ASXL2: variants seen among roughly 807,000 people sequenced by gnomAD.
ASXL2 encodes the protein ASXL transcriptional regulator 2.
A neutral mutation model predicts 122.0 loss-of-function variants in ASXL2; 23 were observed. The ratio of observed to expected loss-of-function variants is 0.19; its 90% confidence interval spans 0.14 to 0.27. The LOEUF is 0.27. ASXL2 is among the 10% of genes least tolerant of loss of function. The probability of loss-of-function intolerance (pLI) is 1.00; values close to 1 mark genes in which losing one functional copy is unlikely to be tolerated. For synonymous variants in ASXL2, 650 were observed against 637.0 expected (o/e 1.02, Z -0.31); for missense variants, 1,518 against 1,713.8 (o/e 0.89, Z 2.02).
intron 12 of ASXL2, among the ~76,000 whole-genome samples, chr2:25,749,365 C>A (rs2087999338): frequency 6.6e-6 from 1 of 152,164 alleles, no homozygotes; most frequent in Non-Finnish European, 1.5e-5. Flanking sequence ...AGAATTATAA[C>A]TAAGTTTTTG....
At chr2:25,791,472 A>G (rs1304938883) in intron 5 of ASXL2, among the ~76,000 whole-genome samples, 1 of 148,952 alleles carries the variant, frequency 6.7e-6, no homozygotes, top group Non-Finnish European at 1.5e-5. Context: ...GGGCGACAAG[A>G]GCAAGACTCC....
At chr2:25,870,903 T>C (rs2089957780) in intron 1 of ASXL2, among the ~76,000 whole-genome samples, 1 of 152,218 alleles carries the variant, frequency 6.6e-6, no homozygotes, top group African/African-American at 2.4e-5. Flanking sequence ...TATGCAGACT[T>C]TCACTTAATT....
At chr2:25,779,618 C>T (rs1214610874) in intron 5 of ASXL2, among the ~76,000 whole-genome samples, 1 of 152,174 alleles carries the variant, frequency 6.6e-6, no homozygotes, top group Non-Finnish European at 1.5e-5. Context: ...ACCTAAGCTA[C>T]ATCTCACAAT....
At position 25,878,387 on chromosome 2, in the gene ASXL2, G is replaced by C; in HGVS notation, c.-165C>G. ...AGAGGAAGCGGCGGGGGTGGTGCGC[G>C]GGGGGGTCTATGGGGCGGCCGGTCC... is the stretch of plus-strand genomic sequence containing the variant. On this transcript the variant is annotated 5_prime_UTR_variant, in exon 1 of 13. Coordinates refer to ENST00000435504, the MANE Select transcript of ASXL2 (RefSeq NM_018263.6). The C allele has an allele frequency of 1.6e-6, 1 of 625,140 alleles. No individual in the cohort carries two copies. Among genetic ancestry groups the C allele is most frequent in the South Asian group, 1.9e-5 (1 of 52,066 alleles). 38.7% of individuals were successfully genotyped at this position (625,140 alleles called of 1,614,324 possible).
At chr2:25,763,302 C>T (rs1361078639) in intron 8 of ASXL2, among the ~76,000 whole-genome samples, 2 of 151,872 alleles carry the variant, frequency 1.3e-5, no homozygotes, top group Non-Finnish European at 2.9e-5. Context: ...CTAGCCTGAC[C>T]AACATGATGA....
At position 25,786,243 on chromosome 2, in the gene ASXL2, C is replaced by CTTTTTTTTTTTTTTTTTTTT. The variant is rs370316025; in HGVS notation, c.403+13141_403+13142insAAAAAAAAAAAAAAAAAAAA. On this transcript the variant is annotated intron_variant, in intron 5 of 12. Transcript: ENST00000435504. ...AAACAACCTACTACTCCACATCATT[C>CTTTTTTTTTTTTTTTTTTTT]TTTTTTTTTTTTTTTTGAGATGGAG... is the stretch of plus-strand genomic sequence containing the variant. 9.4e-4 allele frequency among the ~76,000 whole-genome samples: 106 copies of CTTTTTTTTTTTTTTTTTTTT among 112,364 alleles called. 14 individuals carry two copies. The highest frequency in any genetic ancestry group is 3.2e-3 in the East Asian group (8 of 2,536). The allele number at this position is 112,364 out of a possible 152,430, so 73.7% of individuals were successfully genotyped here.
intron 5 of ASXL2, among the ~76,000 whole-genome samples, chr2:25,791,780 A>T (rs1272068776): frequency 6.6e-6 from 1 of 152,222 alleles, no homozygotes; most frequent in East Asian, 1.9e-4. Context: ...AAGTTAACTT[A>T]GTATCCCTTC....
At chr2:25,825,878 A>ACT (rs1221074343) in intron 3 of ASXL2, among the ~76,000 whole-genome samples, 3 of 152,030 alleles carry the variant, frequency 2.0e-5, no homozygotes, top group Non-Finnish European at 4.4e-5. Context: ...AGTTTACACA[A>ACT]CTCTCTCTCT....
At chr2:25,776,743 G>A (rs1034591484) in intron 5 of ASXL2, among the ~76,000 whole-genome samples, 3 of 152,072 alleles carry the variant, frequency 2.0e-5, no homozygotes, top group African/African-American at 7.2e-5. Context: ...TCTTAACAAC[G>A]TCTTGCAGAA....
At chr2:25,853,882 GA>G (rs2089746869) in intron 1 of ASXL2, among the ~76,000 whole-genome samples, 1 of 151,838 alleles carries the variant, frequency 6.6e-6, no homozygotes, top group Non-Finnish European at 1.5e-5. Flanking sequence ...ATGGAATTAG[GA>G]ACATATGTGG....
At chr2:25,869,578 T>C (rs565619595) in intron 1 of ASXL2, among the ~76,000 whole-genome samples, 19 of 152,124 alleles carry the variant, frequency 1.2e-4, no homozygotes, top group African/African-American at 4.3e-4. Context: ...TCCCAGAACT[T>C]TGGGAGGTCG....
At chr2:25,799,590 A>G (rs2149171277) in intron 4 of ASXL2, 55 bp from the exon 5 acceptor site, 2 of 1,534,326 alleles carry the variant, frequency 1.3e-6, no homozygotes. Context: ...GCAAACAGAA[A>G]TTAAAACTTC....
chr2:25,778,631 T>G (rs888301687), intron 5 of ASXL2, among the ~76,000 whole-genome samples: 1 of 152,216 alleles, frequency 6.6e-6, no homozygotes, highest in Non-Finnish European at 1.5e-5. Context: ...ATACTGTACC[T>G]CAAACTACAT....
chr2:25,794,623 C>G (rs944948290), intron 5 of ASXL2, among the ~76,000 whole-genome samples: 1 of 152,210 alleles, frequency 6.6e-6, no homozygotes, highest in Non-Finnish European at 1.5e-5. Context: ...GTTCTATTCT[C>G]TGTTCCTATT....
intron 1 of ASXL2, among the ~76,000 whole-genome samples, chr2:25,868,820 G>A (rs1034490832): frequency 2.0e-5 from 3 of 152,060 alleles, no homozygotes; most frequent in African/African-American, 7.2e-5. Flanking sequence ...CTTGAGCCCA[G>A]GAATTCAAGA....
chr2:25,759,190 G>C (rs954955499), intron 9 of ASXL2, among the ~76,000 whole-genome samples: 1 of 152,108 alleles, frequency 6.6e-6, no homozygotes, highest in African/African-American at 2.4e-5. Context: ...CCTGACCTCA[G>C]GTGATCTGCC....
intron 1 of ASXL2, among the ~76,000 whole-genome samples, chr2:25,864,157 C>G (rs148966371): frequency 1.3e-5 from 2 of 152,052 alleles, no homozygotes. Context: ...AACGGTGGAG[C>G]ACTGGGCACA....
chr2:25,813,404 A>G (rs1473354644), intron 3 of ASXL2, among the ~76,000 whole-genome samples: 1 of 152,252 alleles, frequency 6.6e-6, no homozygotes, highest in African/African-American at 2.4e-5. Flanking sequence ...TAGGGACAGC[A>G]TCCCATAACC....
intron 3 of ASXL2, among the ~76,000 whole-genome samples, chr2:25,828,333 C>T (rs1223999158): frequency 6.6e-6 from 1 of 151,450 alleles, no homozygotes; most frequent in Non-Finnish European, 1.5e-5. Flanking sequence ...GGAGAAACCC[C>T]GTCTCCACTA....
Sources: gnomAD v4.1 joint callset for allele counts (sites outside exome capture counted in the v4.1 genomes callset) on GRCh38, gnomAD v4.1.1 for gene constraint, MANE v1.5 for transcripts, NCBI Gene and HGNC (gene_info 2026-07-23, HGNC 2026-07-21) for gene names.